Variants in SFTPD observed in about 807,000 individuals in gnomAD.
The protein encoded by SFTPD is surfactant protein D, also known as pulmonary surfactant-associated protein D.
In SFTPD, 18 loss-of-function variants were observed where a neutral mutation model predicts 34.6. That is an observed-to-expected ratio of 0.52 (90% CI 0.36 to 0.77). The LOEUF (loss-of-function observed/expected upper bound fraction) is 0.77. SFTPD is among the 30% of genes least tolerant of loss of function. The pLI is 0.00. For synonymous variants in SFTPD, 155 were observed against 180.9 expected, an observed-to-expected ratio of 0.86 and a Z score of 1.15; for missense variants, 433 against 468.9, an observed-to-expected ratio of 0.92 and a Z score of 0.71.
chr10:79,952,649 G>A (rs950846107), upstream of SFTPD, among the ~76,000 whole-genome samples: 3 of 152,132 alleles, frequency 2.0e-5, no homozygotes, highest in Non-Finnish European at 4.4e-5. Context: ...CGTCCCCTGT[G>A]GTTGCTGCAG....
At position 79,954,265 on chromosome 10, in the gene SFTPD, T is replaced by C. The variant is rs113801630; in HGVS notation, c.37-7603A>G. 2.7e-3 allele frequency among the ~76,000 whole-genome samples: 409 copies of C among 152,318 alleles called. 2 individuals are homozygous for C. Among genetic ancestry groups the C allele is most frequent in the African/African-American group, 9.6e-3 (397 of 41,564 alleles). ...CTTTATGATCCTTGTATGCTTGCAT[T>C]GGTGAGTCTGCATTTGTACAAGCAG... On this transcript the variant is annotated intron_variant, in intron 1 of 5. Coordinates refer to the SFTPD transcript ENST00000444384.
At chr10:79,956,047 A>G (rs1842736198) in intron 1 of SFTPD, among the ~76,000 whole-genome samples, 3 of 152,384 alleles carry the variant, frequency 2.0e-5, no homozygotes, top group African/African-American at 7.2e-5. Flanking sequence ...CAGAATTTTC[A>G]TCTAAAAGCA....
chr10:79,956,473 G>A (rs1436464410), intron 1 of SFTPD, among the ~76,000 whole-genome samples: 1 of 152,248 alleles, frequency 6.6e-6, no homozygotes, highest in Admixed American at 6.5e-5. Context: ...TTTTCCAACA[G>A]GCTTAAAAAA....
rs552332790 is a variant in SFTPD at position 79,961,857 on chromosome 10, T to A, written c.37-15195A>T. 4.3e-3 allele frequency among the ~76,000 whole-genome samples: 658 copies of A among 151,622 alleles called. 6 individuals are homozygous for A. The highest frequency in any genetic ancestry group is 0.015 in the African/African-American group (622 of 41,298). On this transcript the variant is annotated intron_variant, in intron 1 of 5. Coordinates refer to the SFTPD transcript ENST00000444384. Reference sequence around the variant, plus strand: ...GACACATACACACGTATGTTTATTGTGGCACTATTCACAATAGCAAAGACT... The same window carrying A: ...GACACATACACACGTATGTTTATTGAGGCACTATTCACAATAGCAAAGACT...
chr10:79,942,388 CT>C lies in SFTPD; in HGVS notation c.432del (p.Gly145GlufsTer3). On this transcript the variant is annotated frameshift_variant and splice_region_variant, in exon 4 of 8. Transcript: ENST00000372292. LOFTEE classifies it high-confidence loss of function. ...GACTGGCCACAGACCAGCCACCTAC[CT>C]TTGGGCCCAGCTTCTCCTTTTGGGC... The part of the protein sequence containing the change: ...KPGPKGEAGP[K>X]GEVGAPGMQG... 1 of 1,604,220 alleles carries C rather than the reference CT, an allele frequency of 6.2e-7. No individual in the cohort carries two copies. The highest frequency in any genetic ancestry group is 8.5e-7 in the Non-Finnish European group (1 of 1,171,240).
At chr10:79,970,249 G>A (rs1431359838) in intron 1 of SFTPD, 4 of 149,876 alleles carry the variant, frequency 2.7e-5, no homozygotes, top group Admixed American at 1.3e-4. Context: ...TTTTATGCCA[G>A]TACCATGCTG....
chr10:79,980,761 G>A (rs1367717748), intron 1 of SFTPD, among the ~76,000 whole-genome samples: 1 of 152,236 alleles, frequency 6.6e-6, no homozygotes, highest in African/African-American at 2.4e-5. Context: ...GCATTACTGA[G>A]TTTGGGGTTC....
chr10:79,955,632 C>A (rs2132509877), intron 1 of SFTPD, among the ~76,000 whole-genome samples: 1 of 152,314 alleles, frequency 6.6e-6, no homozygotes, highest in East Asian at 1.9e-4. Flanking sequence ...TCACTAGATT[C>A]TGCAACAATT....
rs1220155411 is a variant in SFTPD, at chr10:79,942,666, CCTT to C, written c.316+94_316+96del. 1.3e-5 allele frequency: 13 copies of C among 1,004,668 alleles called. No individual in the cohort carries two copies. In the Admixed American group the frequency reaches 2.1e-4, roughly 16 times the overall value. The allele number at this position is 1,004,668 out of a possible 1,614,324, so 62.2% of individuals were successfully genotyped here. Reference sequence around the variant, plus strand: ...ATGACCCAGTGCCACCTTCAGACAACCTTCTTCCTGGGATGGGCTCTGTGCGTG... The same window carrying C: ...ATGACCCAGTGCCACCTTCAGACAACCTTCCTGGGATGGGCTCTGTGCGTG... On this transcript the variant is annotated intron_variant, in intron 3 of 7. Coordinates refer to ENST00000372292, the MANE Select transcript of SFTPD (RefSeq NM_003019.5).
intron 1 of SFTPD, among the ~76,000 whole-genome samples, chr10:79,965,005 T>C (rs1341713505): frequency 4.6e-5 from 7 of 152,120 alleles, no homozygotes; most frequent in Non-Finnish European, 8.8e-5. Flanking sequence ...ACCCAAACAG[T>C]TTCTCAGGCT....
chr10:79,974,269 G>A (rs142134804), intron 1 of SFTPD, among the ~76,000 whole-genome samples: 2,887 of 152,140 alleles, frequency 0.019, 100 homozygotes, highest in African/African-American at 0.066. Context: ...CTGAGTTGAC[G>A]CCATTCTCCT....
In SFTPD at chr10:79,943,529, A is replaced by G. The variant is rs17878707; in HGVS notation, c.200-650T>C. On this transcript the variant is annotated intron_variant, in intron 2 of 7. Coordinates refer to ENST00000372292, the MANE Select transcript of SFTPD (RefSeq NM_003019.5). Reference sequence around the variant, plus strand: ...AAAGAGAAAGTGGGATTTTAAGAGCAAGGAGAATCGAGGGAGATTTGCAGA... The same window carrying G: ...AAAGAGAAAGTGGGATTTTAAGAGCGAGGAGAATCGAGGGAGATTTGCAGA... 2.3e-3 allele frequency among the ~76,000 whole-genome samples: 349 copies of G among 152,288 alleles called. 3 individuals carry two copies. Among genetic ancestry groups the G allele is most frequent in the African/African-American group, 8.0e-3 (331 of 41,574 alleles).
intron 5 of SFTPD, 78 bp from the exon 6 acceptor site, chr10:79,941,592 A>G (rs1286089354): frequency 3.8e-6 from 4 of 1,060,792 alleles, no homozygotes; most frequent in South Asian, 3.0e-5. Context: ...CTTCCCATAC[A>G]TGGACTAACT....
intron 1 of SFTPD, among the ~76,000 whole-genome samples, chr10:79,974,201 G>A (rs1332688850): frequency 5.9e-5 from 9 of 151,464 alleles, no homozygotes; most frequent in South Asian, 2.1e-4. Flanking sequence ...AGAGTCTTGC[G>A]CTGTTGCCCA....
At chr10:79,956,388 T>G (rs889972983) in intron 1 of SFTPD, among the ~76,000 whole-genome samples, 4 of 152,142 alleles carry the variant, frequency 2.6e-5, no homozygotes, top group African/African-American at 9.7e-5. Context: ...GGTCAGGGAG[T>G]TCCCTTTCCT....
intron 1 of SFTPD, among the ~76,000 whole-genome samples, chr10:79,962,434 T>G (rs190431657): frequency 4.4e-4 from 67 of 152,280 alleles, no homozygotes; most frequent in Admixed American, 1.0e-3. Context: ...CAAGTGAATA[T>G]TTTTATATAT....
At chr10:79,954,313 G>A (rs1249306681) in intron 1 of SFTPD, among the ~76,000 whole-genome samples, 3 of 152,314 alleles carry the variant, frequency 2.0e-5, no homozygotes, top group African/African-American at 4.8e-5. Context: ...TTCTGGGTAG[G>A]TTGGCTGATA....
At chr10:79,953,456 A>G (rs1190060552), upstream of SFTPD, among the ~76,000 whole-genome samples, 1 of 149,384 alleles carries the variant, frequency 6.7e-6, no homozygotes, top group African/African-American at 2.5e-5. Context: ...CTTTGAATAT[A>G]TCATTTCATT....
Position 79,974,048 on chromosome 10 carries a change from A to T in SFTPD, c.36+8527T>A, listed in dbSNP as rs76861511. Among the ~76,000 whole-genome samples the T allele has an allele frequency of 1.6e-3, 247 of 152,312 alleles. 2 individuals carry two copies. Among genetic ancestry groups the T allele is most frequent in the Non-Finnish European group, 6.3e-4 (43 of 68,024 alleles). ...GACAGACAGACACACACCCACACAC[A>T]CACAAATAGTAGCATCACAGATTCC... On this transcript the variant is annotated intron_variant, in intron 1 of 5. Transcript: ENST00000444384.
Sources: allele counts gnomAD v4.1 joint callset (sites outside exome capture counted in the v4.1 genomes callset), GRCh38; gene constraint gnomAD v4.1.1; transcripts MANE v1.5; gene names NCBI Gene and HGNC (gene_info 2026-07-23, HGNC 2026-07-21).